CFAP299: variants seen among roughly 807,000 people sequenced by gnomAD.
CFAP299 encodes the protein cilia- and flagella-associated protein 299.
CFAP299 carries 21 observed loss-of-function variants against 27.0 expected under a neutral mutation model. That is an observed-to-expected ratio of 0.78 (90% CI 0.55 to 1.12). The LOEUF is 1.12. Ranked by LOEUF, CFAP299 falls within the 50% of genes most tolerant of loss-of-function variation. CFAP299 has a pLI of 0.00. For missense variants in CFAP299, 310 were observed against 276.6 expected (o/e 1.12, Z -0.86); for synonymous variants, 104 against 98.1 (o/e 1.06, Z -0.36).
At chr4:80,392,580 C>T (rs1223390552) in intron 2 of CFAP299, among the ~76,000 whole-genome samples, 3 of 152,064 alleles carry the variant, frequency 2.0e-5, no homozygotes, top group Non-Finnish European at 4.4e-5. Context: ...GACACTTCTC[C>T]TTGCTGCCGT....
chr4:80,839,867 CT>C (rs1730768166), intron 3 of CFAP299, among the ~76,000 whole-genome samples: 1 of 152,000 alleles, frequency 6.6e-6, no homozygotes, highest in South Asian at 2.1e-4. Flanking sequence ...CTTCAAGTCC[CT>C]AGGAAACATC....
At chr4:80,791,811 T>C (rs1480709954) in intron 3 of CFAP299, among the ~76,000 whole-genome samples, 1 of 151,822 alleles carries the variant, frequency 6.6e-6, no homozygotes, top group Non-Finnish European at 1.5e-5. Flanking sequence ...GTTGAGACCA[T>C]ATTCCCTCAC....
chr4:80,807,483 G>A (rs966741962), intron 3 of CFAP299, among the ~76,000 whole-genome samples: 1 of 152,004 alleles, frequency 6.6e-6, no homozygotes, highest in South Asian at 2.1e-4. Context: ...ACTATTCAGA[G>A]ACATTTATTT....
At chr4:80,371,058 G>A (rs1202305836) in intron 2 of CFAP299, among the ~76,000 whole-genome samples, 7 of 152,206 alleles carry the variant, frequency 4.6e-5, no homozygotes, top group Admixed American at 6.5e-5. Context: ...AGGTTCCCAA[G>A]CCTCAACTCC....
chr4:80,432,161 G>GT (rs58642683), intron 2 of CFAP299, among the ~76,000 whole-genome samples: 29,158 of 151,740 alleles, frequency 0.19, 2,975 homozygotes, highest in South Asian at 0.29. Flanking sequence ...TTCATTTTTT[G>GT]TTTTTTTTGA....
At position 80,383,794 on chromosome 4, in the gene CFAP299, A is replaced by G. The variant is rs181333231; in HGVS notation, c.242+20910A>G. Reference sequence around the variant, plus strand: ...CAATTGTCTTAAATTGATGTTAGCCATCAGAGACACTGCTGTTTGTGCTTT... The same window carrying G: ...CAATTGTCTTAAATTGATGTTAGCCGTCAGAGACACTGCTGTTTGTGCTTT... On this transcript the variant is annotated intron_variant, in intron 2 of 5. Transcript: ENST00000358105. Among the ~76,000 whole-genome samples, 365 of 152,288 alleles carry G rather than the reference A, an allele frequency of 2.4e-3. 2 individuals are homozygous for G. Among genetic ancestry groups the G allele is most frequent in the Non-Finnish European group, 3.6e-3 (243 of 68,004 alleles).
intron 3 of CFAP299, among the ~76,000 whole-genome samples, chr4:80,661,891 T>C (rs1560684038): frequency 6.6e-6 from 1 of 152,174 alleles, no homozygotes; most frequent in Non-Finnish European, 1.5e-5. Flanking sequence ...AAATGGCCGC[T>C]TTGGTGACAG....
intron 3 of CFAP299, among the ~76,000 whole-genome samples, chr4:80,800,363 TAATATAATA>T (rs1728390140): frequency 1.4e-5 from 1 of 71,914 alleles, no homozygotes; most frequent in Non-Finnish European, 2.3e-5. Flanking sequence ...TATGATATAT[TAATATAATA>T]TATATAATAT....
intron 3 of CFAP299, among the ~76,000 whole-genome samples, chr4:80,838,802 G>A (rs922909447): frequency 6.6e-6 from 1 of 152,128 alleles, no homozygotes; most frequent in African/African-American, 2.4e-5. Context: ...TATGAAGAAA[G>A]TCAATGTATT....
chr4:80,711,941 TC>T (rs1336969553), intron 3 of CFAP299, among the ~76,000 whole-genome samples: 2 of 152,162 alleles, frequency 1.3e-5, no homozygotes, highest in African/African-American at 4.8e-5. Context: ...TGGAGTTATC[TC>T]AGTGTTTAAA....
At chr4:80,772,789 C>T (rs1726295900) in intron 3 of CFAP299, among the ~76,000 whole-genome samples, 1 of 152,096 alleles carries the variant, frequency 6.6e-6, no homozygotes, top group Non-Finnish European at 1.5e-5. Context: ...GTGCAACTCT[C>T]ACTTATGAGT....
At chr4:80,866,059 T>TTTTTTATA (rs886156357) in intron 3 of CFAP299, among the ~76,000 whole-genome samples, 10 of 58,372 alleles carry the variant, frequency 1.7e-4, no homozygotes, top group African/African-American at 3.8e-4. Context: ...ACTTAAAGTA[T>TTTTTTATA]TATATATATA....
intron 3 of CFAP299, among the ~76,000 whole-genome samples, chr4:80,671,617 C>T (rs924534797): frequency 1.3e-5 from 2 of 152,252 alleles, no homozygotes; most frequent in African/African-American, 2.4e-5. Context: ...TTGATTCTTC[C>T]TATCCATGAG....
chr4:80,454,761 A>G (rs1261582777), intron 2 of CFAP299, among the ~76,000 whole-genome samples: 1 of 152,216 alleles, frequency 6.6e-6, no homozygotes, highest in African/African-American at 2.4e-5. Flanking sequence ...AAAGAGTTTA[A>G]GTCACACAGA....
intron 3 of CFAP299, among the ~76,000 whole-genome samples, chr4:80,770,655 CT>C (rs1341112017): frequency 6.6e-6 from 1 of 152,100 alleles, no homozygotes; most frequent in Non-Finnish European, 1.5e-5. Context: ...TTCAATTTTA[CT>C]TTGTCTTTCC....
intron 3 of CFAP299, among the ~76,000 whole-genome samples, chr4:80,849,118 A>G (rs1192557866): frequency 6.6e-6 from 1 of 152,196 alleles, no homozygotes; most frequent in Non-Finnish European, 1.5e-5. Context: ...AACACATTGT[A>G]CAGTTACATA....
At chr4:80,631,583 C>G (rs768662570) in intron 3 of CFAP299, among the ~76,000 whole-genome samples, 4 of 152,028 alleles carry the variant, frequency 2.6e-5, no homozygotes, top group Non-Finnish European at 5.9e-5. Context: ...AAGGCTGTAT[C>G]TTACATTTTG....
chr4:80,615,728 A>C (rs1738237968), intron 3 of CFAP299, among the ~76,000 whole-genome samples: 2 of 152,114 alleles, frequency 1.3e-5, no homozygotes, highest in Admixed American at 1.3e-4. Flanking sequence ...TACTTTTAGC[A>C]AGATAGTTAA....
intron 3 of CFAP299, among the ~76,000 whole-genome samples, chr4:80,691,424 C>T (rs1465528809): frequency 1.3e-5 from 2 of 150,590 alleles, no homozygotes; most frequent in African/African-American, 4.9e-5. Flanking sequence ...AGCATATAAA[C>T]AGAACCAAAG....
Sources: allele counts gnomAD v4.1 joint callset (sites outside exome capture counted in the v4.1 genomes callset), GRCh38; gene constraint gnomAD v4.1.1; transcripts MANE v1.5; gene names NCBI Gene and HGNC (gene_info 2026-07-23, HGNC 2026-07-21).